The following MNAT1 variants were observed in gnomAD, a reference collection of about 807,000 sequenced individuals.
The protein encoded by MNAT1 is CDK-activating kinase assembly factor MAT1.
Under a neutral mutation model 42.0 loss-of-function variants are expected in MNAT1, and 43 were observed. The ratio of observed to expected loss-of-function variants is 1.02; its 90% CI spans 0.80 to 1.32. MNAT1 has a LOEUF of 1.32. MNAT1 is among the 40% of genes most tolerant of loss of function. The pLI, the probability that MNAT1 is intolerant of heterozygous loss-of-function variation, is 0.00. For synonymous variants in MNAT1, 118 were observed against 120.0 expected, an observed-to-expected ratio of 0.98 and a Z score of 0.11; for missense variants, 306 against 350.4, an observed-to-expected ratio of 0.87 and a Z score of 1.01.
rs57354716 is a variant in MNAT1, at chr14:60,929,170, AATATATATATAT to A, written c.810-39046_810-39035del. On this transcript the variant is annotated intron_variant, in intron 7 of 7. Coordinates refer to ENST00000261245, the MANE Select transcript of MNAT1 (RefSeq NM_002431.4). ...TCCCAAAAAAAAAAAAAAAAAAAAA[AATATATATATAT>A]ATATATATATATGTATATTTATATT... Among the ~76,000 whole-genome samples, 8 of 47,462 alleles carry A rather than the reference AATATATATATAT, an allele frequency of 1.7e-4. No homozygotes were observed. In the East Asian group the frequency reaches 2.9e-3, roughly 17 times the overall value. 31.1% of individuals were successfully genotyped at this position (47,462 alleles called of 152,430 possible).
At chr14:60,871,487 GAGTGTGCATTT>G (rs2034322841) in intron 6 of MNAT1, among the ~76,000 whole-genome samples, 1 of 152,184 alleles carries the variant, frequency 6.6e-6, no homozygotes, top group African/African-American at 2.4e-5. Context: ...TCATTCAAGT[GAGTGTGCATTT>G]AGTGTGCATT....
At chr14:60,817,851 T>C (rs2032761928) in intron 5 of MNAT1, among the ~76,000 whole-genome samples, 2 of 151,928 alleles carry the variant, frequency 1.3e-5, no homozygotes, top group Admixed American at 6.6e-5. Flanking sequence ...CTGTTTATGA[T>C]ACAGAAAATT....
intron 7 of MNAT1, among the ~76,000 whole-genome samples, chr14:60,906,572 G>T (rs2351537): frequency 3.3e-5 from 5 of 152,108 alleles, no homozygotes; most frequent in Admixed American, 1.3e-4. Flanking sequence ...TTGATGGATT[G>T]GTTAAGGGGG....
At chr14:60,768,907 G>A (rs1199158726) in intron 1 of MNAT1, among the ~76,000 whole-genome samples, 1 of 152,060 alleles carries the variant, frequency 6.6e-6, no homozygotes, top group Non-Finnish European at 1.5e-5. Context: ...GCAACGCTAT[G>A]TGCATTTTCA....
At chr14:60,775,614 A>G (rs1411368570) in intron 1 of MNAT1, among the ~76,000 whole-genome samples, 1 of 152,226 alleles carries the variant, frequency 6.6e-6, no homozygotes, top group African/African-American at 2.4e-5. Context: ...AGTAGGGATT[A>G]GGAAGTGGGA....
In MNAT1 at chr14:60,889,754, A is replaced by G. The variant is rs1380074733; in HGVS notation, c.809+9919A>G. On this transcript the variant is annotated intron_variant, in intron 7 of 7. Coordinates refer to ENST00000261245, the MANE Select transcript of MNAT1 (RefSeq NM_002431.4). ...TACAATGAACTCAAACAAATTTGCA[A>G]GAAAAAACAAACAACCCCATCAAAA... is the stretch of plus-strand genomic sequence containing the variant. Among the ~76,000 whole-genome samples the G allele has an allele frequency of 2.0e-5, 3 of 152,230 alleles. No individual in the cohort carries two copies. The East Asian group carries it at 5.8e-4, about 29-fold the overall frequency.
At chr14:60,838,045 C>CT (rs909150254) in intron 6 of MNAT1, among the ~76,000 whole-genome samples, 3 of 151,964 alleles carry the variant, frequency 2.0e-5, no homozygotes, top group African/African-American at 4.8e-5. Flanking sequence ...TGACCTCTCA[C>CT]TTTTTTTTCC....
chr14:60,898,140 T>TGC (rs761629129), intron 7 of MNAT1, among the ~76,000 whole-genome samples: 10 of 10,082 alleles, frequency 9.9e-4, no homozygotes, highest in African/African-American at 2.8e-3. Context: ...TGTGTGTGTG[T>TGC]GCGCGCGCCA....
In MNAT1 at chr14:60,920,753, C is replaced by T. The variant is rs978123235; in HGVS notation, c.809+40918C>T. On this transcript the variant is annotated intron_variant, in intron 7 of 7. Coordinates refer to ENST00000261245, the MANE Select transcript of MNAT1 (RefSeq NM_002431.4). Reference sequence around the variant, plus strand: ...GCCACGACGCCTCGCCTTATATTCTCTTAAGAACTACTTTCAAGTAGAGAT... The same window carrying T: ...GCCACGACGCCTCGCCTTATATTCTTTTAAGAACTACTTTCAAGTAGAGAT... Among the ~76,000 whole-genome samples, 4 of 152,104 alleles carry T rather than the reference C, an allele frequency of 2.6e-5. No homozygotes were observed. In the South Asian group the frequency reaches 8.3e-4, roughly 32 times the overall value.
Position 60,872,978 on chromosome 14 carries a change from G to C in MNAT1, c.688-6736G>C, listed in dbSNP as rs76385159. Among the ~76,000 whole-genome samples, 28 of 151,804 alleles carry C rather than the reference G, an allele frequency of 1.8e-4. No homozygotes were observed. In the East Asian group the frequency reaches 5.4e-3, roughly 29 times the overall value. On this transcript the variant is annotated intron_variant, in intron 6 of 7. Transcript: ENST00000261245. ...TGGCATCTCTCACTGACCTTTTCCT[G>C]CATAGGACATTCTCATACATAACCA...
chr14:60,838,018 C>T (rs898969305), intron 6 of MNAT1, among the ~76,000 whole-genome samples: 2 of 152,124 alleles, frequency 1.3e-5, no homozygotes. Flanking sequence ...TCTTTTATTC[C>T]TGATATTAGT....
In MNAT1 at chr14:60,779,974, G is replaced by A. The variant is rs182223843; in HGVS notation, c.90-16243G>A. ...TTTGTGTCCCTGGCCATGTGTCCCTGGCCATGGCGCTGCAGCTCTCCCGGG... is the reference window on the plus strand; with the variant it reads ...TTTGTGTCCCTGGCCATGTGTCCCTAGCCATGGCGCTGCAGCTCTCCCGGG... On this transcript the variant is annotated intron_variant, in intron 1 of 7. Coordinates refer to ENST00000261245, the MANE Select transcript of MNAT1 (RefSeq NM_002431.4). 6.9e-4 allele frequency: 1,079 copies of A among 1,555,244 alleles called. 1 individual carries two copies. Among genetic ancestry groups the A allele is most frequent in the Non-Finnish European group, 9.1e-4 (1,020 of 1,127,068 alleles).
intron 7 of MNAT1, among the ~76,000 whole-genome samples, chr14:60,928,443 T>G (rs1372810763): frequency 1.3e-5 from 2 of 152,238 alleles, no homozygotes; most frequent in Non-Finnish European, 1.5e-5. Flanking sequence ...CAAACTGTTT[T>G]ATAAAGTGGC....
At chr14:60,946,867 A>G (rs4151376) in intron 7 of MNAT1, among the ~76,000 whole-genome samples, 51 of 152,328 alleles carry the variant, frequency 3.3e-4, no homozygotes, top group South Asian at 8.3e-4. Flanking sequence ...TGGCTTAAAC[A>G]ATAGAAGTCT....
At chr14:60,735,090 G>T in intron 1 of MNAT1, 139 bp downstream of exon 1, 3 of 823,482 alleles carry the variant, frequency 3.6e-6, no homozygotes, top group South Asian at 1.6e-5. Context: ...AAAAGAAGGC[G>T]TTGTGACTTT....
At chr14:60,957,906 C>T (rs1566579507) in intron 7 of MNAT1, among the ~76,000 whole-genome samples, 1 of 152,004 alleles carries the variant, frequency 6.6e-6, no homozygotes, top group Admixed American at 6.6e-5. Flanking sequence ...GGCACGATCT[C>T]AGCTCACTGC....
intron 3 of MNAT1, among the ~76,000 whole-genome samples, chr14:60,798,896 C>G (rs2032109411): frequency 6.6e-6 from 1 of 152,082 alleles, no homozygotes; most frequent in Non-Finnish European, 1.5e-5. Flanking sequence ...GAGGATCAAA[C>G]AGCAATCATT....
chr14:60,854,615 G>T (rs754052191), intron 6 of MNAT1, among the ~76,000 whole-genome samples: 20 of 152,128 alleles, frequency 1.3e-4, no homozygotes, highest in Non-Finnish European at 2.1e-4. Context: ...GTTCACTTGG[G>T]TATCACCAGT....
At chr14:60,928,647 A>G (rs1048256175) in intron 7 of MNAT1, among the ~76,000 whole-genome samples, 2 of 152,056 alleles carry the variant, frequency 1.3e-5, no homozygotes, top group African/African-American at 2.4e-5. Context: ...CTTCTTTGGT[A>G]TGATGTCTGT....
Sources: allele counts gnomAD v4.1 joint callset (sites outside exome capture counted in the v4.1 genomes callset), GRCh38; gene constraint gnomAD v4.1.1; transcripts MANE v1.5; gene names NCBI Gene and HGNC (gene_info 2026-07-23, HGNC 2026-07-21).